CCDC73: variants seen among roughly 807,000 people sequenced by gnomAD.
CCDC73 encodes coiled-coil domain containing 73, also known as coiled-coil domain-containing protein 73.
A neutral mutation model predicts 116.5 loss-of-function variants in CCDC73; 95 were observed. That is an observed-to-expected ratio of 0.82 (90% CI 0.69 to 0.97). The LOEUF is 0.97. Ranked by LOEUF, CCDC73 falls within the 50% of genes least tolerant of loss-of-function variation. The probability of loss-of-function intolerance (pLI) is 0.00; values close to 1 mark genes in which losing one functional copy is unlikely to be tolerated. For missense variants in CCDC73, 1,066 were observed against 1,206.8 expected, an observed-to-expected ratio of 0.88 and a Z score of 1.73; for synonymous variants, 398 against 401.3, an observed-to-expected ratio of 0.99 and a Z score of 0.10.
chr11:32,828,343 T>G, the CCDC73 span, among the ~76,000 whole-genome samples: 3 of 151,812 alleles, frequency 2.0e-5, no homozygotes, highest in African/African-American at 7.3e-5. Context: ...AACCCCTCTC[T>G]CCTAAATGTA....
intron 9 of CCDC73, among the ~76,000 whole-genome samples, chr11:32,665,582 T>A (rs995277372): frequency 1.3e-5 from 2 of 152,146 alleles, no homozygotes; most frequent in African/African-American, 4.8e-5. Context: ...TCCTGAATAC[T>A]GCACACTGAT....
At chr11:32,745,053 T>A (rs1165148197) in intron 2 of CCDC73, among the ~76,000 whole-genome samples, 1 of 152,190 alleles carries the variant, frequency 6.6e-6, no homozygotes, top group Admixed American at 6.5e-5. Context: ...GTGATATAAA[T>A]TTCCCTCTAT....
intron 1 of CCDC73, among the ~76,000 whole-genome samples, chr11:32,782,877 C>A (rs1218959606): frequency 5.3e-5 from 8 of 151,486 alleles, no homozygotes; most frequent in South Asian, 4.2e-4. Context: ...AGAAGTCTTG[C>A]AAAAAGAAGC....
At chr11:32,679,467 A>C (rs1027505784) in intron 7 of CCDC73, among the ~76,000 whole-genome samples, 6 of 151,972 alleles carry the variant, frequency 3.9e-5, no homozygotes, top group African/African-American at 1.4e-4. Context: ...AGGTTCAGGC[A>C]ATTCTCCTGC....
At chr11:32,753,220 A>G (rs550536956) in intron 2 of CCDC73, among the ~76,000 whole-genome samples, 1 of 152,098 alleles carries the variant, frequency 6.6e-6, no homozygotes, top group Admixed American at 6.5e-5. Context: ...TATGCCCAAG[A>G]ATATAAGAAT....
At chr11:32,636,093 C>T (rs1370571512) in intron 13 of CCDC73, among the ~76,000 whole-genome samples, 2 of 152,064 alleles carry the variant, frequency 1.3e-5, no homozygotes, top group Non-Finnish European at 2.9e-5. Context: ...AGTTAAGTAA[C>T]TTGTCCCAGA....
intron 15 of CCDC73, 36 bp from the exon 16 acceptor site, chr11:32,614,978 T>C: frequency 1.6e-6 from 2 of 1,274,674 alleles, no homozygotes; most frequent in South Asian, 1.4e-5. Context: ...TTTTATATTA[T>C]ACACTAAAGG....
intron 13 of CCDC73, among the ~76,000 whole-genome samples, chr11:32,641,129 T>C (rs1274118265): frequency 6.6e-6 from 1 of 152,162 alleles, no homozygotes; most frequent in Non-Finnish European, 1.5e-5. Flanking sequence ...CAGAAAATAT[T>C]ATCAAGCTGG....
rs533455620 is a variant in CCDC73 at position 32,746,225 on chromosome 11, C to T, written c.135+13884G>A. On this transcript the variant is annotated intron_variant, in intron 2 of 17. Transcript: ENST00000335185. Reference sequence around the variant, plus strand: ...GATATGAAATTCTGGGTTGAAAATTCTTTTCTTTAAGAATGTTGAATATTT... The same window carrying T: ...GATATGAAATTCTGGGTTGAAAATTTTTTTCTTTAAGAATGTTGAATATTT... 1.1e-3 allele frequency among the ~76,000 whole-genome samples: 170 copies of T among 152,252 alleles called. 1 individual carries two copies. Among genetic ancestry groups the T allele is most frequent in the South Asian group, 7.7e-3 (37 of 4,824 alleles).
chr11:32,660,669 C>A (rs1252668964), intron 9 of CCDC73, among the ~76,000 whole-genome samples: 1 of 151,396 alleles, frequency 6.6e-6, no homozygotes, highest in Non-Finnish European at 1.5e-5. Context: ...TAAAAAAAAA[C>A]AAAAATTAGT....
intron 2 of CCDC73, among the ~76,000 whole-genome samples, chr11:32,722,459 T>G (rs1449156480): frequency 6.6e-6 from 1 of 152,092 alleles, no homozygotes; most frequent in Non-Finnish European, 1.5e-5. Flanking sequence ...CTCACAGTCA[T>G]GAGAGGTGGA....
chr11:32,764,521 T>A lies in CCDC73; in HGVS notation c.-15-4263A>T, dbSNP rs1008976361. Among the ~76,000 whole-genome samples, 8 of 152,122 alleles carry A rather than the reference T, an allele frequency of 5.3e-5. No individual in the cohort carries two copies. The South Asian group carries it at 8.3e-4, about 16-fold the overall frequency. The stretch of plus-strand genomic sequence containing the variant: ...TCATATCCAGCCAAACTATGCTTCA[T>A]AAATGAAGGAGAAATAAAATACTTT... On this transcript the variant is annotated intron_variant, in intron 1 of 17. Transcript: ENST00000335185.
At chr11:32,677,769 T>A (rs1199839900) in intron 7 of CCDC73, among the ~76,000 whole-genome samples, 3 of 151,300 alleles carry the variant, frequency 2.0e-5, no homozygotes, top group African/African-American at 7.3e-5. Flanking sequence ...CTGACCAACA[T>A]GGTGAAACCC....
chr11:32,731,384 G>A (rs1274201617), intron 2 of CCDC73, among the ~76,000 whole-genome samples: 1 of 152,200 alleles, frequency 6.6e-6, no homozygotes, highest in Admixed American at 6.5e-5. Context: ...AGAAACCTCT[G>A]CAGAATTAAA....
intron 6 of CCDC73, among the ~76,000 whole-genome samples, chr11:32,690,558 G>A (rs935082896): frequency 3.0e-4 from 46 of 152,240 alleles, no homozygotes; most frequent in South Asian, 4.1e-4. Flanking sequence ...GGTTAGCACC[G>A]TCCCCCTAGT....
chr11:32,806,129 C>T, the CCDC73 span, among the ~76,000 whole-genome samples: 1 of 152,238 alleles, frequency 6.6e-6, no homozygotes, highest in South Asian at 2.1e-4. Flanking sequence ...CTCACATTGC[C>T]CTATGTGAAC....
chr11:32,602,937 A>G lies in CCDC73; in HGVS notation c.3114T>C (p.Asp1038=). 3 of 1,613,610 alleles carry G rather than the reference A, an allele frequency of 1.9e-6. No homozygotes were observed. The South Asian group carries it at 3.3e-5, about 18-fold the overall frequency. The part of the protein sequence containing the change: ...IKTTKNTSGD[D]DWQSLITNQL... Reference sequence around the variant, plus strand: ...GATTCGTAATGAGGCTCTGCCAGTCATCATCACCAGAAGTATTTTTAGTCG... The same window carrying G: ...GATTCGTAATGAGGCTCTGCCAGTCGTCATCACCAGAAGTATTTTTAGTCG... The change falls in exon 18 of 18, where the codon GAT becomes GAC. Residue 1038 remains aspartate (D), a synonymous_variant. Coordinates refer to ENST00000335185, the MANE Select transcript of CCDC73 (RefSeq NM_001008391.4).
the CCDC73 span, among the ~76,000 whole-genome samples, chr11:32,826,669 A>T: frequency 1.3e-5 from 2 of 151,582 alleles, no homozygotes; most frequent in Non-Finnish European, 2.9e-5. Context: ...ACAAAAAAAA[A>T]AACCCAGAGT....
intron 12 of CCDC73, among the ~76,000 whole-genome samples, chr11:32,647,309 C>A (rs940996175): frequency 6.6e-6 from 1 of 152,116 alleles, no homozygotes; most frequent in Non-Finnish European, 1.5e-5. Context: ...CAGGCAGGTG[C>A]CACACACTTT....
Sources: allele counts gnomAD v4.1 joint callset (sites outside exome capture counted in the v4.1 genomes callset), GRCh38; gene constraint gnomAD v4.1.1; transcripts MANE v1.5; gene names NCBI Gene and HGNC (gene_info 2026-07-23, HGNC 2026-07-21).